The following SRP72 variants were observed in gnomAD, a reference collection of about 807,000 sequenced individuals.
SRP72 encodes the protein signal recognition particle subunit SRP72.
SRP72 carries 49 observed loss-of-function variants against 96.3 expected under a neutral mutation model. The observed-to-expected ratio is 0.51, with a 90% CI of 0.40 to 0.65. The LOEUF (loss-of-function observed/expected upper bound fraction) is 0.65. SRP72 is among the 30% of genes least tolerant of loss of function. The pLI, the probability that SRP72 is intolerant of heterozygous loss-of-function variation, is 0.00. For missense variants in SRP72, 736 were observed against 793.3 expected, an observed-to-expected ratio of 0.93 and a Z score of 0.87; for synonymous variants, 267 against 275.2, an observed-to-expected ratio of 0.97 and a Z score of 0.30.
At position 56,490,364 on chromosome 4, in the gene SRP72, G is replaced by A; in HGVS notation, c.1352G>A (p.Arg451Lys). ...TCTCCTGCTCATTTGTCCTTGATAA[G>A]AGAAGCTGCAAACTTCAAACTCAAA... The part of the protein sequence containing the change: ...PKSPAHLSLI[R>K]EAANFKLKYG... The change falls in exon 14 of 19, where the codon AGA becomes AAA. Residue 451 changes from arginine to lysine, a missense_variant. Around this residue, in one of 3 missense-constraint regions of SRP72, gnomAD observed 388 missense variants for 431.8 expected, o/e 0.90. Coordinates refer to ENST00000642900, the MANE Select transcript of SRP72 (RefSeq NM_006947.4). 1 of 1,613,724 alleles carries A rather than the reference G, an allele frequency of 6.2e-7. No individual in the cohort carries two copies. Among genetic ancestry groups the A allele is most frequent in the South Asian group, 1.1e-5 (1 of 91,008 alleles).
In SRP72 at chr4:56,474,110, A is replaced by G; in HGVS notation, c.411A>G (p.Arg137=). Residue 137 remains arginine (R), a synonymous_variant, in exon 4 of 19, where the codon CGA becomes CGG. Transcript: ENST00000642900. ...TAGCAGTGTATAGAGATCTCGTCCG[A>G]AACTCCCAAGATGATTATGATGAGG... The part of the protein sequence containing the change: ...ECLAVYRDLV[R]NSQDDYDEER... The G allele has an allele frequency of 1.2e-6, 2 of 1,614,192 alleles. No individual in the cohort carries two copies. The highest frequency in any genetic ancestry group is 1.7e-6 in the Non-Finnish European group (2 of 1,180,026).
At chr4:56,492,366 A>G (rs755649709) in intron 16 of SRP72, among the ~76,000 whole-genome samples, 13 of 152,186 alleles carry the variant, frequency 8.5e-5, no homozygotes, top group Admixed American at 4.6e-4. Context: ...TCATCTACTT[A>G]AAAGAAGTCA....
intron 3 of SRP72, among the ~76,000 whole-genome samples, chr4:56,472,779 G>A (rs1441563915): frequency 2.0e-5 from 3 of 152,124 alleles, no homozygotes; most frequent in Non-Finnish European, 4.4e-5. Flanking sequence ...TGGATTGTAG[G>A]TCTATAAAAA....
At chr4:56,474,449 T>C in intron 5 of SRP72, 58 bp downstream of exon 5, 1 of 1,412,238 alleles carries the variant, frequency 7.1e-7, no homozygotes, top group Non-Finnish European at 9.7e-7. Flanking sequence ...TTGTAGAGTA[T>C]CTTCTAAAAT....
At position 56,502,863 on chromosome 4, in the gene SRP72, T is replaced by C. The variant is rs1721316360; in HGVS notation, c.*1002T>C. On this transcript the variant is annotated 3_prime_UTR_variant, in exon 19 of 19. Coordinates refer to ENST00000642900, the MANE Select transcript of SRP72 (RefSeq NM_006947.4). ...TGACCATTGATTACCTTTCTCAATG[T>C]AATGAAGTATTTTACAGTCAATTTG... 6.6e-6 allele frequency: 1 copy of C among 152,200 alleles called. No homozygotes were observed. The highest frequency in any genetic ancestry group is 1.5e-5 in the Non-Finnish European group (1 of 68,034). The allele number at this position is 152,200 out of a possible 1,614,324, so 9.4% of individuals were successfully genotyped here. A position where few individuals can be genotyped will look rare whatever the true frequency, so the allele number is the denominator to read the frequency against.
chr4:56,468,667 G>A (rs1011365742), intron 1 of SRP72, among the ~76,000 whole-genome samples: 1 of 152,098 alleles, frequency 6.6e-6, no homozygotes, highest in Non-Finnish European at 1.5e-5. Context: ...CTAGTACTGG[G>A]TTAACGTGAA....
intron 12 of SRP72, 146 bp from the exon 13 acceptor site, chr4:56,489,242 A>G (rs1720824384): frequency 4.6e-6 from 2 of 430,592 alleles, no homozygotes; most frequent in East Asian, 3.3e-5. Context: ...AAAGTTAACT[A>G]TGTTCTCTAA....
intron 8 of SRP72, among the ~76,000 whole-genome samples, chr4:56,479,731 C>T (rs565338123): frequency 3.2e-4 from 48 of 152,078 alleles, no homozygotes; most frequent in Non-Finnish European, 5.6e-4. Flanking sequence ...ATCCTCCTGC[C>T]TCAGCCTCCC....
intron 8 of SRP72, among the ~76,000 whole-genome samples, chr4:56,482,834 G>A (rs1219183624): frequency 6.6e-6 from 1 of 152,134 alleles, no homozygotes; most frequent in Non-Finnish European, 1.5e-5. Context: ...TTTCTTTAAA[G>A]CAGTTCACTT....
Position 56,503,319 on chromosome 4 carries a change from A to G in SRP72, c.*1458A>G, listed in dbSNP as rs1721330651. ...GCAGGTATTTATTCCTTCTGAATAT[A>G]TACCCCATTATAGGAATAACTGTTA... On this transcript the variant is annotated 3_prime_UTR_variant, in exon 19 of 19. Coordinates refer to ENST00000642900, the MANE Select transcript of SRP72 (RefSeq NM_006947.4). 6.6e-6 allele frequency: 1 copy of G among 152,180 alleles called. No homozygotes were observed. The highest frequency in any genetic ancestry group is 2.4e-5 in the African/African-American group (1 of 41,446). 9.4% of individuals were successfully genotyped at this position (152,180 alleles called of 1,614,324 possible).
At chr4:56,493,515 T>C (rs1203669363) in intron 16 of SRP72, among the ~76,000 whole-genome samples, 1 of 152,200 alleles carries the variant, frequency 6.6e-6, no homozygotes, top group African/African-American at 2.4e-5. Context: ...ATACACTATG[T>C]GATAGGTTTA....
chr4:56,475,040 C>T (rs867627658), intron 5 of SRP72, among the ~76,000 whole-genome samples: 20 of 152,148 alleles, frequency 1.3e-4, no homozygotes, highest in East Asian at 1.2e-3. Flanking sequence ...CAGGTATTAA[C>T]GTGAACATTT....
At chr4:56,478,137 G>A (rs1004770735) in intron 6 of SRP72, among the ~76,000 whole-genome samples, 1 of 150,084 alleles carries the variant, frequency 6.7e-6, no homozygotes, top group Non-Finnish European at 1.5e-5. Flanking sequence ...TGTTCTTCTA[G>A]GATCTTTTTG....
At chr4:56,495,423 T>G (rs1721043852) in intron 17 of SRP72, 29 bp downstream of exon 17, 1 of 1,412,884 alleles carries the variant, frequency 7.1e-7, no homozygotes, top group Non-Finnish European at 9.8e-7. Flanking sequence ...CTTTATAAAT[T>G]TTCTCCAAAA....
chr4:56,491,463 T>C lies in SRP72; in HGVS notation c.1535T>C (p.Met512Thr), dbSNP rs1720903911. 1 of 1,614,002 alleles carries C rather than the reference T, an allele frequency of 6.2e-7. No homozygotes were observed. The highest frequency in any genetic ancestry group is 8.5e-7 in the Non-Finnish European group (1 of 1,179,924). ...LSKHLPSSDS[M>T]SLKVDVEALE... ...AAACACTTGCCATCGTCAGATAGTA[T>C]GTCTCTAAAAGTAGATGTTGAGGCT... Residue 512 changes from methionine (M) to threonine (T), a missense_variant, in exon 16 of 19, where the codon ATG becomes ACG. Transcript: ENST00000642900.
chr4:56,496,855 C>T (rs1721085844), intron 17 of SRP72, among the ~76,000 whole-genome samples: 1 of 152,028 alleles, frequency 6.6e-6, no homozygotes, highest in Non-Finnish European at 1.5e-5. Context: ...GAGCAGTACT[C>T]ATGCGTGCCT....
intron 17 of SRP72, among the ~76,000 whole-genome samples, chr4:56,499,567 A>G (rs1036949481): frequency 1.3e-5 from 2 of 152,252 alleles, no homozygotes; most frequent in African/African-American, 4.8e-5. Flanking sequence ...GGATATGAAC[A>G]GACACTTCTC....
intron 12 of SRP72, 25 bp from the exon 13 acceptor site, chr4:56,489,363 C>T (rs190105521): frequency 1.0e-4 from 142 of 1,417,562 alleles, no homozygotes; most frequent in Middle Eastern, 2.0e-4. Context: ...GGGGAGTTCA[C>T]TAATTTATAC....
intron 3 of SRP72, 59 bp from the exon 4 acceptor site, chr4:56,473,995 A>G (rs1490235529): frequency 1.3e-6 from 2 of 1,544,238 alleles, no homozygotes; most frequent in African/African-American, 2.7e-5. Context: ...GGTTTGCATG[A>G]TATTAAAGAC....
Sources: allele counts gnomAD v4.1 joint callset (sites outside exome capture counted in the v4.1 genomes callset), GRCh38; gene constraint gnomAD v4.1.1; regional missense constraint gnomAD v4.1.1; transcripts MANE v1.5; gene names NCBI Gene and HGNC (gene_info 2026-07-23, HGNC 2026-07-21).